GYS1: variants seen among roughly 807,000 people sequenced by gnomAD.
GYS1 encodes glycogen [starch] synthase, muscle.
In GYS1, 60 loss-of-function variants were observed where a neutral mutation model predicts 89.1. That is an observed-to-expected ratio of 0.67 (90% CI 0.55 to 0.84). GYS1 has a LOEUF of 0.84. Among genes scored for constraint, GYS1 ranks in the 40% least tolerant of loss-of-function variants. The pLI is 0.00. For synonymous variants in GYS1, 366 were observed against 401.7 expected (o/e 0.91, Z 1.06); for missense variants, 888 against 1,003.1 (o/e 0.89, Z 1.55).
intron 10 of GYS1, among the ~76,000 whole-genome samples, chr19:48,976,179 G>C (rs1425049486): frequency 6.6e-6 from 1 of 152,098 alleles, no homozygotes; most frequent in Non-Finnish European, 1.5e-5. Context: ...TTCATAATGA[G>C]GTGGGCTGCT....
Position 48,982,170 on chromosome 19 carries a change from G to C in GYS1, c.1062+85C>G, listed in dbSNP as rs996814919. The C allele has an allele frequency of 5.7e-6, 8 of 1,401,334 alleles. No homozygotes were observed. The Admixed American group carries it at 1.2e-4, about 21-fold the overall frequency. The allele number at this position is 1,401,334 out of a possible 1,614,324, so 86.8% of individuals were successfully genotyped here. A position where few individuals can be genotyped will look rare whatever the true frequency, so the allele number is the denominator to read the frequency against. On this transcript the variant is annotated intron_variant, in intron 7 of 15. Transcript: ENST00000323798. ...GGCCTCCAAAAGTGTTGGGATTACA[G>C]GTGTGAGCCACTGTGCCTGGCTGTT...
In GYS1 at chr19:48,968,645, G is replaced by C; in HGVS notation, c.*643C>G. On this transcript the variant is annotated 3_prime_UTR_variant, in exon 16 of 16. Coordinates refer to ENST00000323798, the MANE Select transcript of GYS1 (RefSeq NM_002103.5). ...CAGCCAAGTGGTTCTACCACCTCTT[G>C]CTTGGCCAAAGTGTAGGGGATGACA... The C allele has an allele frequency of 4.4e-6, 2 of 454,210 alleles. No individual in the cohort carries two copies. The highest frequency in any genetic ancestry group is 8.8e-6 in the Non-Finnish European group (2 of 226,786). 28.1% of individuals were successfully genotyped at this position (454,210 alleles called of 1,614,324 possible). A position where few individuals can be genotyped will look rare whatever the true frequency, so the allele number is the denominator to read the frequency against.
chr19:48,970,155 T>G (rs1030875333), intron 14 of GYS1: 15 of 496,396 alleles, frequency 3.0e-5, no homozygotes, highest in South Asian at 2.8e-4. Context: ...CACGGTCTTG[T>G]TCTGTTACTC....
At chr19:48,980,027 C>G (rs1383023479) in intron 8 of GYS1, among the ~76,000 whole-genome samples, 1 of 152,112 alleles carries the variant, frequency 6.6e-6, no homozygotes, top group Non-Finnish European at 1.5e-5. Flanking sequence ...TCACTACAGC[C>G]TCAACCTCCA....
rs112431426 is a variant in GYS1, at chr19:48,975,463, C to T, written c.1309-730G>A. ...GAGGCAAAGCCGTGTTAGCAACTCC[C>T]TTACCTCCAAGGACTATGAGGAGTT... On this transcript the variant is annotated intron_variant, in intron 10 of 15. Coordinates refer to ENST00000323798, the MANE Select transcript of GYS1 (RefSeq NM_002103.5). Among the ~76,000 whole-genome samples, 535 of 152,148 alleles carry T rather than the reference C, an allele frequency of 3.5e-3. 5 individuals are homozygous for T. Among genetic ancestry groups the T allele is most frequent in the African/African-American group, 0.012 (513 of 41,488 alleles).
Position 48,977,953 on chromosome 19 carries a change from T to C in GYS1, c.1279A>G (p.Met427Val), listed in dbSNP as rs746669628. Reference protein sequence around the residue: ...NKMLDKEDFTMMKRAIFATQR... With the variant: ...NKMLDKEDFTVMKRAIFATQR... ...GTTGCAAAGATGGCTCTCTTCATCA[T>C]AGTGAAGTCTTCCTTATCCAGCATC... Residue 427 changes from methionine (M) to valine (V), a missense_variant, in exon 10 of 16, where the codon ATG becomes GTG. Transcript: ENST00000323798. 2.7e-5 allele frequency: 43 copies of C among 1,613,876 alleles called. No individual in the cohort carries two copies. The highest frequency in any genetic ancestry group is 4.0e-5 in the African/African-American group (3 of 74,906).
At chr19:48,981,745 GGA>G (rs1216667235) in intron 7 of GYS1, 109 bp from the exon 8 acceptor site, 8 of 734,900 alleles carry the variant, frequency 1.1e-5, no homozygotes, top group Non-Finnish European at 1.9e-5. Context: ...TTCCTGTCAA[GGA>G]GAATTATAGG....
At chr19:48,984,686 G>A (rs1028687457) in intron 5 of GYS1, among the ~76,000 whole-genome samples, 6 of 152,016 alleles carry the variant, frequency 3.9e-5, no homozygotes, top group Non-Finnish European at 5.9e-5. Context: ...GAGCCACTGC[G>A]CCCAGCCTAT....
chr19:48,984,857 G>C (rs193069958), intron 5 of GYS1, among the ~76,000 whole-genome samples: 71 of 151,804 alleles, frequency 4.7e-4, no homozygotes, highest in African/African-American at 1.6e-3. Context: ...CTCCAGCCTG[G>C]GCGACAGAGC....
rs1268240274 is a variant in GYS1 at position 48,969,041 on chromosome 19, C to A, written c.*247G>T. On this transcript the variant is annotated 3_prime_UTR_variant, in exon 16 of 16. Transcript: ENST00000323798. ...CCTGGCCTCTGGGAAGCGGTCCAGGCCCAGGGGACTCCAGGGCGCTGATTA... is the reference window on the plus strand; with the variant it reads ...CCTGGCCTCTGGGAAGCGGTCCAGGACCAGGGGACTCCAGGGCGCTGATTA... 4 of 657,056 alleles carry A rather than the reference C, an allele frequency of 6.1e-6. No homozygotes were observed. In the South Asian group the frequency reaches 6.3e-5, roughly 10 times the overall value. 40.7% of individuals were successfully genotyped at this position (657,056 alleles called of 1,614,324 possible).
At position 48,979,336 on chromosome 19, in the gene GYS1, C is replaced by CTTT. The variant is rs777178030; in HGVS notation, c.1170-1182_1170-1180dup. Among the ~76,000 whole-genome samples, 94 of 92,564 alleles carry CTTT rather than the reference C, an allele frequency of 1.0e-3. 5 individuals carry two copies. The highest frequency in any genetic ancestry group is 1.9e-3 in the South Asian group (5 of 2,694). The allele number at this position is 92,564 out of a possible 152,430, so 60.7% of individuals were successfully genotyped here. On this transcript the variant is annotated intron_variant, in intron 8 of 15. Transcript: ENST00000323798. The stretch of plus-strand genomic sequence containing the variant: ...TTTGTCTCTTTTTCTTTTTTCTTTT[C>CTTT]TTTTTTTTTTTTTTTTTTTTTTTTT...
chr19:48,975,091 C>T (rs1364681640), intron 10 of GYS1, among the ~76,000 whole-genome samples: 4 of 152,094 alleles, frequency 2.6e-5, no homozygotes, highest in East Asian at 1.9e-4. Context: ...CCACCACGCC[C>T]GGTTAATTTT....
At chr19:48,985,377 G>A in intron 5 of GYS1, 84 bp downstream of exon 5, 2 of 1,383,320 alleles carry the variant, frequency 1.4e-6, no homozygotes, top group East Asian at 4.6e-5. Flanking sequence ...CTTACAGTGG[G>A]CTTCTTGGGC....
rs199602884 is a variant in GYS1, at chr19:48,993,103, T to C, written c.10A>G (p.Asn4Asp). Residue 4 changes from asparagine to aspartate, a missense_variant, in exon 1 of 16, where the codon AAC becomes GAC. Physicochemically the swap from Asn to Asp is conservative, Grantham distance 23. Coordinates refer to ENST00000323798, the MANE Select transcript of GYS1 (RefSeq NM_002103.5). MPL[N>D]RTLSMSSLPG... ...AGTGAGGACATGGACAAAGTGCGGT[T>C]TAAAGGCATGGCTGGCGCAGGAAGG... 48 of 1,598,430 alleles carry C rather than the reference T, an allele frequency of 3.0e-5. No homozygotes were observed. In the East Asian group the frequency reaches 1.0e-3, roughly 35 times the overall value.
At position 48,970,969 on chromosome 19, in the gene GYS1, C is replaced by G; in HGVS notation, c.1604G>C (p.Gly535Ala). ...PSISTNLSGF[G>A]CFMEEHIADP... ...TGCGATGTGTTCCTCCATGAAGCAGCCGAAGCCGGAGAGATTGGTGGAGAT... is the reference window on the plus strand; with the variant it reads ...TGCGATGTGTTCCTCCATGAAGCAGGCGAAGCCGGAGAGATTGGTGGAGAT... Residue 535 changes from glycine to alanine, a missense_variant, in exon 13 of 16, where the codon GGC (glycine) becomes GCC (alanine). Gly to Ala is a moderately conservative substitution (Grantham distance 60). Coordinates refer to ENST00000323798, the MANE Select transcript of GYS1 (RefSeq NM_002103.5). 1 of 1,614,094 alleles carries G rather than the reference C, an allele frequency of 6.2e-7. No homozygotes were observed. Among genetic ancestry groups the G allele is most frequent in the Non-Finnish European group, 8.5e-7 (1 of 1,179,958 alleles).
chr19:48,982,516 G>T (rs1390984057), intron 6 of GYS1, 141 bp from the exon 7 acceptor site: 3 of 963,390 alleles, frequency 3.1e-6, no homozygotes, highest in African/African-American at 1.6e-5. Context: ...CCTCCTGGGA[G>T]TTGTAGTTCT....
At chr19:48,984,867 C>A (rs1415937366) in intron 5 of GYS1, among the ~76,000 whole-genome samples, 2 of 151,572 alleles carry the variant, frequency 1.3e-5, no homozygotes, top group Admixed American at 1.3e-4. Flanking sequence ...GGCGACAGAG[C>A]GAGACTCCGT....
rs1396183130 is a variant in GYS1 at position 48,978,135 on chromosome 19, C to T, written c.1192G>A (p.Glu398Lys). 1 of 1,614,142 alleles carries T rather than the reference C, an allele frequency of 6.2e-7. No individual in the cohort carries two copies. Among genetic ancestry groups the T allele is most frequent in the Non-Finnish European group, 8.5e-7 (1 of 1,179,990 alleles). ...TCATAAAGCTTCCTCCCGAACTTTTCCTTCACCGTGTTGGCCGTGTCCCTG... is the reference window on the plus strand; with the variant it reads ...TCATAAAGCTTCCTCCCGAACTTTTTCTTCACCGTGTTGGCCGTGTCCCTG... Reference protein sequence around the residue: ...QLWDTANTVKEKFGRKLYESL... With the variant: ...QLWDTANTVKKKFGRKLYESL... Residue 398 changes from glutamate to lysine, a missense_variant, in exon 9 of 16, where the codon GAA becomes AAA. By Grantham distance (56) the Glu-to-Lys change is moderately conservative. Transcript: ENST00000323798.
rs145448665 is a variant in GYS1, at chr19:48,969,488, C to T, written c.2014G>A (p.Gly672Ser). The T allele has an allele frequency of 6.8e-5, 105 of 1,545,046 alleles. No homozygotes were observed. In the African/African-American group the frequency reaches 1.2e-3, roughly 18 times the overall value. ...DPRNGPLEED[G>S]ERYDEDEEAA... is the part of the protein sequence containing the mutation. ...TCCTCGTCCTCATCGTAGCGCTCGCCGTCTTCCTCCAGCGGCCCGTTCCGG... is the reference window on the plus strand; with the variant it reads ...TCCTCGTCCTCATCGTAGCGCTCGCTGTCTTCCTCCAGCGGCCCGTTCCGG... The change falls in exon 16 of 16, where the codon GGC (glycine) becomes AGC (serine). Residue 672 changes from glycine (G) to serine (S), a missense_variant. Transcript: ENST00000323798.
Sources: allele counts gnomAD v4.1 joint callset (sites outside exome capture counted in the v4.1 genomes callset), GRCh38; gene constraint gnomAD v4.1.1; transcripts MANE v1.5; gene names NCBI Gene and HGNC (gene_info 2026-07-23, HGNC 2026-07-21).